The following SLC6A2 variants were observed in gnomAD, a reference collection of about 807,000 sequenced individuals.
SLC6A2 encodes solute carrier family 6 member 2.
Under a neutral mutation model 71.7 loss-of-function variants are expected in SLC6A2, and 26 were observed. The ratio of observed to expected loss-of-function variants is 0.36; its 90% CI spans 0.27 to 0.50. The LOEUF is 0.50. SLC6A2 is among the 20% of genes least tolerant of loss of function. The pLI is 0.96. For synonymous variants in SLC6A2, 363 were observed against 337.9 expected (o/e 1.07, Z -0.82); for missense variants, 581 against 803.9 (o/e 0.72, Z 3.35).
rs376923160 is a variant in SLC6A2, at chr16:55,698,030, G to A, written c.1389+5G>A. 129 of 1,614,020 alleles carry A rather than the reference G, an allele frequency of 8.0e-5. No homozygotes were observed. Among genetic ancestry groups the A allele is most frequent in the Non-Finnish European group, 1.1e-4 (125 of 1,179,996 alleles). On this transcript the variant is annotated splice_donor_5th_base_variant and intron_variant, in intron 10 of 14. Coordinates refer to ENST00000568943, the MANE Select transcript of SLC6A2 (RefSeq NM_001172501.3). The stretch of plus-strand genomic sequence containing the variant: ...GCCCTGTTCTGCATAACCAAGGTGA[G>A]TAGGGGCTGGGCTCTGGGTCACCTG...
Position 55,703,796 on chromosome 16 carries a change from C to T in SLC6A2, c.*1450C>T. The T allele has an allele frequency of 1.0e-6, 1 of 985,352 alleles. No homozygotes were observed. The allele number at this position is 985,352 out of a possible 1,614,324, so 61.0% of individuals were successfully genotyped here. A position where few individuals can be genotyped will look rare whatever the true frequency, so the allele number is the denominator to read the frequency against. On this transcript the variant is annotated 3_prime_UTR_variant, in exon 15 of 15. Coordinates refer to ENST00000568943, the MANE Select transcript of SLC6A2 (RefSeq NM_001172501.3). The stretch of plus-strand genomic sequence containing the variant: ...GCTGCATTCGCACGTCAAGAAGGTG[C>T]TTTGCCTCAAATTGGGGTGTTGTTG...
In SLC6A2 at chr16:55,672,587, A is replaced by C. The variant is rs187714; in HGVS notation, c.644+412A>C. ...GGAAAGGCCTCTCTGAGGAGGTGAC[A>C]TAGGAACTGATGATGTCAGAGAAGG... is the stretch of plus-strand genomic sequence containing the variant. On this transcript the variant is annotated intron_variant, in intron 4 of 14. Coordinates refer to ENST00000568943, the MANE Select transcript of SLC6A2 (RefSeq NM_001172501.3). 2.0e-5 allele frequency among the ~76,000 whole-genome samples: 3 copies of C among 151,932 alleles called. No individual in the cohort carries two copies. In the East Asian group the frequency reaches 5.8e-4, roughly 30 times the overall value.
In SLC6A2 at chr16:55,672,096, A is replaced by G; in HGVS notation, c.565A>G (p.Lys189Glu). ...GAACAGCCCCAACTGTACCGACCCC[A>G]AGCTCCTCAATGGCTCCGTGCTTGG... ...TWNSPNCTDP[K>E]LLNGSVLGNH... is the part of the protein sequence containing the mutation. Residue 189 changes from lysine (K) to glutamate (E), a missense_variant, in exon 4 of 15, where the codon AAG (lysine) becomes GAG (glutamate). Physicochemically the swap from Lys to Glu is moderately conservative, Grantham distance 56. Around this residue, in one of 5 missense-constraint regions of SLC6A2, gnomAD observed 87 missense variants for 99.5 expected, o/e 0.87. Coordinates refer to ENST00000568943, the MANE Select transcript of SLC6A2 (RefSeq NM_001172501.3). 6.2e-7 allele frequency: 1 copy of G among 1,614,092 alleles called. No homozygotes were observed. Among genetic ancestry groups the G allele is most frequent in the Non-Finnish European group, 8.5e-7 (1 of 1,180,020 alleles).
At chr16:55,684,895 C>T (rs1965397512) in intron 4 of SLC6A2, among the ~76,000 whole-genome samples, 1 of 152,212 alleles carries the variant, frequency 6.6e-6, no homozygotes, top group Admixed American at 6.5e-5. Flanking sequence ...CTTTTAAAAG[C>T]AGCCATGAGC....
chr16:55,658,976 C>G (rs1021783206), intron 2 of SLC6A2, among the ~76,000 whole-genome samples: 1 of 152,168 alleles, frequency 6.6e-6, no homozygotes, highest in Admixed American at 6.5e-5. Flanking sequence ...TTCTCTGTAT[C>G]TTTTAAGAGG....
At chr16:55,662,910 C>A (rs1964648251) in intron 2 of SLC6A2, among the ~76,000 whole-genome samples, 1 of 152,168 alleles carries the variant, frequency 6.6e-6, no homozygotes, top group South Asian at 2.1e-4. Flanking sequence ...GCACATCAGG[C>A]AAGTAATCAA....
intron 5 of SLC6A2, among the ~76,000 whole-genome samples, chr16:55,691,420 C>A (rs550332099): frequency 1.1e-4 from 17 of 152,176 alleles, no homozygotes; most frequent in Non-Finnish European, 2.1e-4. Flanking sequence ...TCATGAACCA[C>A]GCCTTGATCT....
At chr16:55,665,653 C>T (rs1339484432) in intron 2 of SLC6A2, among the ~76,000 whole-genome samples, 2 of 152,192 alleles carry the variant, frequency 1.3e-5, no homozygotes, top group Non-Finnish European at 2.9e-5. Context: ...AGGTCTTGGC[C>T]ACTGCACCCC....
chr16:55,674,717 A>C (rs1415808620), intron 4 of SLC6A2, among the ~76,000 whole-genome samples: 1 of 152,120 alleles, frequency 6.6e-6, no homozygotes, highest in African/African-American at 2.4e-5. Flanking sequence ...GAGCCATTGC[A>C]CCCGGCCACC....
chr16:55,698,380 C>T (rs1461019066), intron 10 of SLC6A2, 89 bp from the exon 11 acceptor site: 1 of 929,820 alleles, frequency 1.1e-6, no homozygotes, highest in African/African-American at 1.6e-5. Context: ...GCAAGTGGGA[C>T]AGGGGGCAGG....
rs1965560154 is a variant in SLC6A2 at position 55,689,855 on chromosome 16, G to A, written c.784-2063G>A. Among the ~76,000 whole-genome samples the A allele has an allele frequency of 2.0e-5, 3 of 152,202 alleles. No homozygotes were observed. In the South Asian group the frequency reaches 6.2e-4, roughly 31 times the overall value. The stretch of plus-strand genomic sequence containing the variant: ...TTCCATAAAGACCTTCTTAGAACAA[G>A]GGAGTGATGGAGAAACAAGTGGATA... On this transcript the variant is annotated intron_variant, in intron 5 of 14. Transcript: ENST00000568943.
intron 2 of SLC6A2, among the ~76,000 whole-genome samples, chr16:55,657,454 C>A (rs555352102): frequency 2.6e-5 from 4 of 152,176 alleles, no homozygotes; most frequent in African/African-American, 9.7e-5. Context: ...GGGGCAGGAA[C>A]CTTTGGGCCA....
chr16:55,674,819 G>A (rs761155052), intron 4 of SLC6A2, among the ~76,000 whole-genome samples: 4 of 152,128 alleles, frequency 2.6e-5, no homozygotes, highest in Non-Finnish European at 2.9e-5. Context: ...ACATCCACGC[G>A]CAGGTGTCTT....
chr16:55,689,644 T>A (rs1240851486), intron 5 of SLC6A2, among the ~76,000 whole-genome samples: 2 of 152,228 alleles, frequency 1.3e-5, no homozygotes, highest in Non-Finnish European at 2.9e-5. Flanking sequence ...GAGCTCCTTC[T>A]TGTGCCTTTT....
In SLC6A2 at chr16:55,702,833, C is replaced by A. The variant is rs1227087309; in HGVS notation, c.*487C>A. Reference sequence around the variant, plus strand: ...GGTGGTTGGGGAAGGTACATAGACCCTCCTCTTGCCCACCCTAGACAGCCC... The same window carrying A: ...GGTGGTTGGGGAAGGTACATAGACCATCCTCTTGCCCACCCTAGACAGCCC... On this transcript the variant is annotated 3_prime_UTR_variant, in exon 15 of 15. Transcript: ENST00000568943. The A allele has an allele frequency of 6.9e-6, 7 of 1,010,208 alleles. No individual in the cohort carries two copies. Among genetic ancestry groups the A allele is most frequent in the Non-Finnish European group, 7.1e-6 (6 of 844,768 alleles). The allele number at this position is 1,010,208 out of a possible 1,614,324, so 62.6% of individuals were successfully genotyped here.
At chr16:55,672,252 C>T in intron 4 of SLC6A2, 77 bp downstream of exon 4, 1 of 1,612,812 alleles carries the variant, frequency 6.2e-7, no homozygotes, top group Non-Finnish European at 8.5e-7. Context: ...TAAGGAAAGT[C>T]ACAGACCAAG....
chr16:55,701,905 G>T lies in SLC6A2; in HGVS notation c.1801G>T (p.Val601Leu), dbSNP rs201793493. 3 of 1,613,948 alleles carry T rather than the reference G, an allele frequency of 1.9e-6. No individual in the cohort carries two copies. Among genetic ancestry groups the T allele is most frequent in the South Asian group, 2.2e-5 (2 of 91,082 alleles). ...GITPENEHHL[V>L]AQRDIRQFQL... ...CACGCCAGAGAACGAGCACCACCTG[G>T]TGGCTCAGAGGGACATCAGACAGTT... Residue 601 changes from valine (V) to leucine (L), a missense_variant, in exon 14 of 15, where the codon GTG becomes TTG. By Grantham distance (32) the Val-to-Leu change is conservative (BLOSUM62 1). Around this residue, in one of 5 missense-constraint regions of SLC6A2, gnomAD observed 334 missense variants for 449.0 expected, o/e 0.74. Coordinates refer to ENST00000568943, the MANE Select transcript of SLC6A2 (RefSeq NM_001172501.3).
intron 2 of SLC6A2, among the ~76,000 whole-genome samples, chr16:55,664,693 A>G (rs1256238502): frequency 6.6e-6 from 1 of 152,176 alleles, no homozygotes; most frequent in Non-Finnish European, 1.5e-5. Flanking sequence ...TTATTATCGC[A>G]TTTACAAAGG....
At chr16:55,677,639 C>T (rs547274362) in intron 4 of SLC6A2, among the ~76,000 whole-genome samples, 2 of 151,118 alleles carry the variant, frequency 1.3e-5, no homozygotes, top group East Asian at 3.9e-4. Flanking sequence ...TTGGGGGATG[C>T]AGGTAGAACT....
Sources: allele counts gnomAD v4.1 joint callset (sites outside exome capture counted in the v4.1 genomes callset), GRCh38; gene constraint gnomAD v4.1.1; regional missense constraint gnomAD v4.1.1; transcripts MANE v1.5; gene names NCBI Gene and HGNC (gene_info 2026-07-23, HGNC 2026-07-21).